The following PLEKHG1 variants were observed in gnomAD, a reference collection of about 807,000 sequenced individuals.
PLEKHG1 encodes the protein pleckstrin homology and RhoGEF domain containing G1, also known as pleckstrin homology domain-containing family G member 1.
PLEKHG1 carries 44 observed loss-of-function variants against 100.8 expected under a neutral mutation model. The ratio of observed to expected loss-of-function variants is 0.44; its 90% CI spans 0.34 to 0.56. The LOEUF is 0.56. Ranked by LOEUF, PLEKHG1 falls within the 20% of genes least tolerant of loss-of-function variation. The probability of loss-of-function intolerance (pLI) is 0.01; values close to 1 mark genes in which losing one functional copy is unlikely to be tolerated. For synonymous variants in PLEKHG1, 640 were observed against 662.5 expected (o/e 0.97, Z 0.52); for missense variants, 1,545 against 1,720.9 (o/e 0.90, Z 1.81).
At chr6:150,660,044 C>T (rs1779125303) in intron 3 of PLEKHG1, among the ~76,000 whole-genome samples, 2 of 151,500 alleles carry the variant, frequency 1.3e-5, no homozygotes, top group African/African-American at 4.8e-5. Flanking sequence ...TGTACATTGG[C>T]AATTAGCCCA....
At chr6:150,717,793 G>A (rs1781498285), upstream of PLEKHG1, among the ~76,000 whole-genome samples, 1 of 152,092 alleles carries the variant, frequency 6.6e-6, no homozygotes. Context: ...AAGACATTTT[G>A]GGCTAGGCAC....
intron 3 of PLEKHG1, among the ~76,000 whole-genome samples, chr6:150,714,664 C>T (rs4272224): frequency 0.34 from 51,832 of 152,038 alleles, 8,794 homozygotes; most frequent in South Asian, 0.42. Context: ...AGTTGGATGA[C>T]TGAAGTCCTG....
intron 1 of PLEKHG1, among the ~76,000 whole-genome samples, chr6:150,637,548 CTTGA>C (rs1458500346): frequency 3.3e-5 from 5 of 151,988 alleles, no homozygotes; most frequent in African/African-American, 4.8e-5. Flanking sequence ...TGCTTTCACA[CTTGA>C]TTATTTCAGT....
intron 3 of PLEKHG1, among the ~76,000 whole-genome samples, chr6:150,674,682 T>TCTCTCCCC (rs1455673564): frequency 3.8e-5 from 4 of 104,228 alleles, no homozygotes; most frequent in Non-Finnish European, 8.1e-5. Flanking sequence ...TCTCTCTCTC[T>TCTCTCCCC]CCCCCCTCTT....
At chr6:150,639,801 G>C (rs1778175248) in intron 2 of PLEKHG1, among the ~76,000 whole-genome samples, 1 of 152,184 alleles carries the variant, frequency 6.6e-6, no homozygotes, top group Non-Finnish European at 1.5e-5. Flanking sequence ...ATGCATGTCG[G>C]AAAGCAATGG....
upstream of PLEKHG1, among the ~76,000 whole-genome samples, chr6:150,720,162 C>G (rs1781606658): frequency 6.6e-6 from 1 of 152,090 alleles, no homozygotes; most frequent in Non-Finnish European, 1.5e-5. Context: ...AATTTGAGTT[C>G]CACAGTGCAG....
At chr6:150,804,671 A>G (rs1562533155) in exon 7 of PLEKHG1, 1 of 1,613,828 alleles carries the variant, frequency 6.2e-7, no homozygotes, top group Non-Finnish European at 8.5e-7. Context: ...GATGCTATAG[A>G]CACAATGCAG....
rs951907738 is a variant in PLEKHG1 at position 150,683,506 on chromosome 6, G to A, written c.-99+32720G>A. 5 of 216,216 alleles carry A rather than the reference G, an allele frequency of 2.3e-5. No individual in the cohort carries two copies. The highest frequency in any genetic ancestry group is 5.6e-5 in the Admixed American group (1 of 17,812). The allele number at this position is 216,216 out of a possible 1,614,324, so 13.4% of individuals were successfully genotyped here. Reference sequence around the variant, plus strand: ...GGTCCGGTGAAGGAAGCACGTGTGTGTGTGTGGAAGGGTGGCGCTGACCTC... The same window carrying A: ...GGTCCGGTGAAGGAAGCACGTGTGTATGTGTGGAAGGGTGGCGCTGACCTC... On this transcript the variant is annotated intron_variant, in intron 3 of 3. Transcript: ENST00000367326. The surrounding 1 kb of genome is among the most constrained non-coding windows in gnomAD (Gnocchi z 4.0).
intron 7 of PLEKHG1, among the ~76,000 whole-genome samples, chr6:150,808,321 G>T (rs1481962629): frequency 6.6e-6 from 1 of 152,144 alleles, no homozygotes; most frequent in Non-Finnish European, 1.5e-5. Flanking sequence ...CTGAGAAAAT[G>T]ATGTGGGTGA....
chr6:150,716,123 G>A (rs112619857), upstream of PLEKHG1, among the ~76,000 whole-genome samples: 6,765 of 120,836 alleles, frequency 0.056, 319 homozygotes, highest in African/African-American at 0.14. Flanking sequence ...AAAAAAAAAA[G>A]AAAAGAAAAT....
intron 4 of PLEKHG1, among the ~76,000 whole-genome samples, chr6:150,793,512 TAATA>T (rs1037570733): frequency 4.6e-5 from 7 of 152,326 alleles, no homozygotes; most frequent in East Asian, 3.9e-4. Context: ...AGATTCTAGC[TAATA>T]AATAAAGAAG....
intron 3 of PLEKHG1, among the ~76,000 whole-genome samples, chr6:150,661,287 T>C (rs1779180062): frequency 6.6e-6 from 1 of 152,204 alleles, no homozygotes; most frequent in Non-Finnish European, 1.5e-5. Flanking sequence ...CAAAAAGTTT[T>C]TAAGAATATT....
rs1433104525 is a variant in PLEKHG1, at chr6:150,826,972, CTTCCTTCCTTTCCTTTCCCTTTCT to C, written c.1470+3312_1470+3335del. 2.0e-5 allele frequency among the ~76,000 whole-genome samples: 3 copies of C among 147,496 alleles called. No individual in the cohort carries two copies. In the East Asian group the frequency reaches 6.2e-4, roughly 30 times the overall value. ...TCTCTATCTTTCTTTCTGTTTCTTT[CTTCCTTCCTTTCCTTTCCCTTTCT>C]TTCCTTCCTTTCCTTCCTTTATTTC... is the stretch of plus-strand genomic sequence containing the variant. On this transcript the variant is annotated intron_variant, in intron 14 of 15. Coordinates refer to ENST00000358517, the Ensembl canonical transcript of PLEKHG1.
chr6:150,773,291 T>G (rs1279868077), intron 3 of PLEKHG1, among the ~76,000 whole-genome samples: 1 of 152,128 alleles, frequency 6.6e-6, no homozygotes, highest in Non-Finnish European at 1.5e-5. Context: ...CCCCGCACAT[T>G]GGGAGGCCAA....
intron 3 of PLEKHG1, among the ~76,000 whole-genome samples, chr6:150,674,632 CCTCTCTCTCTCTCTCTCTCTCTCT>C (rs756355880): frequency 4.5e-5 from 3 of 66,340 alleles, no homozygotes; most frequent in East Asian, 4.3e-4. Context: ...CTCTCTCCTC[CCTCTCTCTCTCTCTCTCTCTCTCT>C]CTCTCTCTCT....
chr6:150,798,956 G>C (rs1786532394), intron 5 of PLEKHG1, among the ~76,000 whole-genome samples: 1 of 152,010 alleles, frequency 6.6e-6, no homozygotes, highest in South Asian at 2.1e-4. Flanking sequence ...GGCCAGGCTG[G>C]TCTCGAACTC....
chr6:150,724,972 A>AT, intron 1 of PLEKHG1, among the ~76,000 whole-genome samples: 1 of 152,198 alleles, frequency 6.6e-6, no homozygotes, highest in South Asian at 2.1e-4. Flanking sequence ...TCCCTACTCA[A>AT]CTGAGGTAGC....
intron 10 of PLEKHG1, among the ~76,000 whole-genome samples, chr6:150,815,722 G>A (rs1276293485): frequency 6.6e-6 from 1 of 152,208 alleles, no homozygotes; most frequent in Non-Finnish European, 1.5e-5. Context: ...TCGCCACTTA[G>A]CCGAAATATT....
chr6:150,802,479 A>AGAC (rs10622317), intron 6 of PLEKHG1, among the ~76,000 whole-genome samples: 59,162 of 151,672 alleles, frequency 0.39, 13,001 homozygotes, highest in East Asian at 0.7. Context: ...TAAGCATATG[A>AGAC]AACAAGTCAA....
Sources: gnomAD v4.1 joint callset for allele counts (sites outside exome capture counted in the v4.1 genomes callset) on GRCh38, gnomAD v4.1.1 for gene constraint, Gnocchi (gnomAD v3.1) non-coding constraint, MANE v1.5 for transcripts, NCBI Gene and HGNC (gene_info 2026-07-23, HGNC 2026-07-21) for gene names.